NUP160: variants seen among roughly 807,000 people sequenced by gnomAD.
NUP160 encodes nucleoporin 160, also known as nuclear pore complex protein Nup160.
In NUP160, 94 loss-of-function variants were observed where a neutral mutation model predicts 196.9. The ratio of observed to expected loss-of-function variants is 0.48; its 90% CI spans 0.40 to 0.57. NUP160 has a LOEUF of 0.57. NUP160 is among the 20% of genes least tolerant of loss of function. The pLI, the probability that NUP160 is intolerant of heterozygous loss-of-function variation, is 0.00. For synonymous variants in NUP160, 605 were observed against 619.7 expected, an observed-to-expected ratio of 0.98 and a Z score of 0.35; for missense variants, 1,638 against 1,748.3, an observed-to-expected ratio of 0.94 and a Z score of 1.13.
chr11:47,816,090 C>A, intron 11 of NUP160, 61 bp from the exon 12 acceptor site: 1 of 1,143,584 alleles, frequency 8.7e-7, no homozygotes, highest in Non-Finnish European at 1.3e-6. Context: ...GAAAACGTTT[C>A]AGTTTAGAAG....
At chr11:47,786,508 A>G in exon 32 of NUP160, 1 of 1,614,034 alleles carries the variant, frequency 6.2e-7, no homozygotes, top group Non-Finnish European at 8.5e-7. Flanking sequence ...AGCCAGGCCC[A>G]GGCTTCTGCT....
chr11:47,839,096 G>A (rs1265479093), intron 4 of NUP160, among the ~76,000 whole-genome samples: 1 of 152,022 alleles, frequency 6.6e-6, no homozygotes, highest in African/African-American at 2.4e-5. Context: ...ACCCAACTTG[G>A]GTTTTTCTTT....
Position 47,848,303 on chromosome 11 carries a change from CTCCCGCCGCCGCCATCT to C in NUP160, c.101_117del (p.Lys34SerfsTer13). ...AGCTCCACGAAGCTCCGTTCCAGGG[CTCCCGCCGCCGCCATCT>C]TCCCGCCGTCGCCGCGACGCCCAAC... On this transcript the variant is annotated frameshift_variant, in exon 1 of 36. Transcript: ENST00000378460. LOFTEE classifies it high-confidence loss of function. 1 of 1,613,836 alleles carries C rather than the reference CTCCCGCCGCCGCCATCT, an allele frequency of 6.2e-7. No individual in the cohort carries two copies. Among genetic ancestry groups the C allele is most frequent in the Non-Finnish European group, 8.5e-7 (1 of 1,179,956 alleles).
intron 9 of NUP160, among the ~76,000 whole-genome samples, chr11:47,821,137 G>C (rs1031836018): frequency 6.6e-6 from 1 of 151,920 alleles, no homozygotes; most frequent in Non-Finnish European, 1.5e-5. Flanking sequence ...TCCCAGATTA[G>C]AGGTATTTTG....
intron 2 of NUP160, among the ~76,000 whole-genome samples, chr11:47,845,083 T>C (rs1852373640): frequency 6.6e-6 from 1 of 152,116 alleles, no homozygotes; most frequent in Non-Finnish European, 1.5e-5. Flanking sequence ...GAAATAACCA[T>C]AAAAATGGGC....
At chr11:47,806,257 G>T in exon 20 of NUP160, 1 of 1,613,504 alleles carries the variant, frequency 6.2e-7, no homozygotes, top group Non-Finnish European at 8.5e-7. Flanking sequence ...GAGATATAAT[G>T]TGTTTTCTTG....
intron 21 of NUP160, chr11:47,804,239 G>A: frequency 3.9e-6 from 1 of 255,504 alleles, no homozygotes; most frequent in Non-Finnish European, 7.3e-6. Context: ...ACTGTCCAGA[G>A]AGAAGTAGAG....
intron 30 of NUP160, 40 bp downstream of exon 30, chr11:47,788,461 G>A: frequency 6.4e-7 from 1 of 1,571,872 alleles, no homozygotes; most frequent in Non-Finnish European, 8.8e-7. Flanking sequence ...TGTGCTCGTG[G>A]TGCTGACAAG....
intron 7 of NUP160, among the ~76,000 whole-genome samples, chr11:47,823,939 T>C (rs953582399): frequency 1.3e-5 from 2 of 149,648 alleles, no homozygotes; most frequent in Non-Finnish European, 3.0e-5. Flanking sequence ...TTATTGCCTA[T>C]TGTGAGTAAT....
At chr11:47,826,098 T>C (rs966449572) in intron 7 of NUP160, among the ~76,000 whole-genome samples, 2 of 152,116 alleles carry the variant, frequency 1.3e-5, no homozygotes, top group Non-Finnish European at 2.9e-5. Context: ...CTCAATCCAT[T>C]AGTGGGACAT....
chr11:47,845,930 C>G (rs1488253024), intron 2 of NUP160, among the ~76,000 whole-genome samples: 1 of 152,098 alleles, frequency 6.6e-6, no homozygotes, highest in East Asian at 1.9e-4. Flanking sequence ...TCTGGCAGTT[C>G]AAGACCAGTC....
intron 7 of NUP160, among the ~76,000 whole-genome samples, chr11:47,828,308 A>C (rs1485464577): frequency 6.6e-6 from 1 of 151,914 alleles, no homozygotes; most frequent in Non-Finnish European, 1.5e-5. Flanking sequence ...ATTTCTATCA[A>C]CTTCCAATGA....
intron 2 of NUP160, among the ~76,000 whole-genome samples, chr11:47,844,203 T>C (rs972098749): frequency 1.3e-5 from 2 of 152,206 alleles, no homozygotes; most frequent in Non-Finnish European, 2.9e-5. Context: ...CACCATCATG[T>C]GTGAATTGTG....
At chr11:47,831,714 G>A (rs1420525538) in intron 7 of NUP160, among the ~76,000 whole-genome samples, 2 of 151,316 alleles carry the variant, frequency 1.3e-5, no homozygotes, top group East Asian at 4.0e-4. Context: ...ATGGTGGCAT[G>A]CGCCTGTAAT....
At chr11:47,787,183 G>C (rs1470243993) in intron 31 of NUP160, 2 of 150,452 alleles carry the variant, frequency 1.3e-5, no homozygotes, top group Non-Finnish European at 2.9e-5. Context: ...CGTCTCCCAG[G>C]CTCAAGCGAT....
intron 7 of NUP160, among the ~76,000 whole-genome samples, chr11:47,827,741 A>G (rs751788091): frequency 2.0e-5 from 3 of 152,084 alleles, no homozygotes; most frequent in Non-Finnish European, 4.4e-5. Context: ...TGCCACTTCT[A>G]TTCAACATTG....
rs1449013057 is a variant in NUP160, at chr11:47,847,972, C to T, written c.203-13G>A. ...GCATTTGCAGTCCCTGCAAAATGAA[C>T]GTGGTCAGCCTGCACACGCGTCTTC... On this transcript the variant is annotated splice_polypyrimidine_tract_variant and intron_variant, in intron 1 of 35. Coordinates refer to ENST00000378460, the Ensembl canonical transcript of NUP160. 2.5e-6 allele frequency: 4 copies of T among 1,602,200 alleles called. No individual in the cohort carries two copies. Among genetic ancestry groups the T allele is most frequent in the Non-Finnish European group, 2.6e-6 (3 of 1,169,304 alleles).
At chr11:47,782,761 C>T (rs943243583) in intron 34 of NUP160, among the ~76,000 whole-genome samples, 17 of 151,990 alleles carry the variant, frequency 1.1e-4, no homozygotes, top group Non-Finnish European at 2.2e-4. Flanking sequence ...CAGGTTCAAG[C>T]GATTCTCCTG....
At chr11:47,800,322 G>T (rs529076516) in intron 23 of NUP160, among the ~76,000 whole-genome samples, 3 of 151,544 alleles carry the variant, frequency 2.0e-5, no homozygotes, top group East Asian at 1.9e-4. Flanking sequence ...TTGAGACAGG[G>T]TCTCATTCTG....
Sources: allele counts gnomAD v4.1 joint callset (sites outside exome capture counted in the v4.1 genomes callset), GRCh38; gene constraint gnomAD v4.1.1; transcripts MANE v1.5; gene names NCBI Gene and HGNC (gene_info 2026-07-23, HGNC 2026-07-21).